The following CMIP variants were observed in gnomAD, a reference collection of about 807,000 sequenced individuals.
CMIP encodes the protein C-Maf-inducing protein.
CMIP carries 13 observed loss-of-function variants against 97.3 expected under a neutral mutation model. The observed-to-expected ratio is 0.13, with a 90% CI of 0.09 to 0.21. The LOEUF (loss-of-function observed/expected upper bound fraction) is 0.21, where lower values mean the gene tolerates loss of function less well. Ranked by LOEUF, CMIP falls within the 10% of genes least tolerant of loss-of-function variation. The pLI, the probability that CMIP is intolerant of heterozygous loss-of-function variation, is 1.00. For missense variants in CMIP, 847 were observed against 1,024.9 expected, an observed-to-expected ratio of 0.83 and a Z score of 2.37; for synonymous variants, 538 against 436.3, an observed-to-expected ratio of 1.23 and a Z score of -2.91.
rs150446310 is a variant in CMIP at position 81,552,678 on chromosome 16, C to A, written c.301-54889C>A. Among the ~76,000 whole-genome samples the A allele has an allele frequency of 2.9e-3, 442 of 152,324 alleles. 4 individuals are homozygous for A. The highest frequency in any genetic ancestry group is 0.01 in the African/African-American group (418 of 41,562). ...GTCCTTAATGGAACCACATCTGCAA[C>A]GTCTCTTCTGCCATGTCAGATGGCA... On this transcript the variant is annotated intron_variant, in intron 1 of 20. Transcript: ENST00000537098.
At position 81,679,887 on chromosome 16, in the gene CMIP, C is replaced by T. The variant is rs184873383; in HGVS notation, c.1388+1259C>T. Among the ~76,000 whole-genome samples the T allele has an allele frequency of 3.4e-3, 514 of 152,278 alleles. 1 individual carries two copies. The highest frequency in any genetic ancestry group is 0.012 in the African/African-American group (484 of 41,550). On this transcript the variant is annotated intron_variant, in intron 10 of 20. Coordinates refer to ENST00000537098, the MANE Select transcript of CMIP (RefSeq NM_198390.3). Reference sequence around the variant, plus strand: ...TCTCATTGACTGTTCCCTTCTGCCCCCCACAGAGCCATGTGGTTCCACAGA... The same window carrying T: ...TCTCATTGACTGTTCCCTTCTGCCCTCCACAGAGCCATGTGGTTCCACAGA...
chr16:81,687,224 C>G (rs917974257), intron 10 of CMIP, among the ~76,000 whole-genome samples: 1 of 152,210 alleles, frequency 6.6e-6, no homozygotes, highest in African/African-American at 2.4e-5. Flanking sequence ...AGCCATCCAC[C>G]CAGCCCGGGG....
At chr16:81,671,556 A>C (rs959166914) in intron 8 of CMIP, among the ~76,000 whole-genome samples, 3 of 152,370 alleles carry the variant, frequency 2.0e-5, no homozygotes, top group South Asian at 4.1e-4. Flanking sequence ...AGGTGTGAGC[A>C]TGACTGTCCC....
At chr16:81,683,092 G>A (rs564657987) in intron 10 of CMIP, among the ~76,000 whole-genome samples, 79 of 152,192 alleles carry the variant, frequency 5.2e-4, no homozygotes, top group African/African-American at 1.8e-3. Flanking sequence ...GTATACCTAC[G>A]CCAGGCCAGA....
At chr16:81,560,854 C>T (rs935815314) in intron 1 of CMIP, among the ~76,000 whole-genome samples, 2 of 152,058 alleles carry the variant, frequency 1.3e-5, no homozygotes, top group South Asian at 2.1e-4. Flanking sequence ...TGTAGTAGGC[C>T]GTATACCATG....
At chr16:81,526,158 G>C (rs974319574) in intron 1 of CMIP, among the ~76,000 whole-genome samples, 4 of 152,120 alleles carry the variant, frequency 2.6e-5, no homozygotes, top group African/African-American at 9.7e-5. Context: ...TCTATACCTA[G>C]GTGCAGAGAG....
At chr16:81,577,168 T>C (rs1019545286) in intron 1 of CMIP, among the ~76,000 whole-genome samples, 1 of 143,938 alleles carries the variant, frequency 6.9e-6, no homozygotes, top group Non-Finnish European at 1.5e-5. Context: ...ACCACTACAT[T>C]ATTATCACTA....
chr16:81,606,665 C>A (rs546929657), intron 1 of CMIP, among the ~76,000 whole-genome samples: 22 of 152,096 alleles, frequency 1.4e-4, no homozygotes, highest in African/African-American at 4.6e-4. Flanking sequence ...GGAACCAAGA[C>A]AGACCTAGGC....
chr16:81,572,692 C>T (rs943607160), intron 1 of CMIP, among the ~76,000 whole-genome samples: 1 of 152,226 alleles, frequency 6.6e-6, no homozygotes, highest in Non-Finnish European at 1.5e-5. Context: ...CAAGTCCAGG[C>T]TCCTTGATCG....
chr16:81,528,782 T>C (rs1363459547), intron 1 of CMIP, among the ~76,000 whole-genome samples: 1 of 152,306 alleles, frequency 6.6e-6, no homozygotes, highest in South Asian at 2.1e-4. Context: ...TAGAGCATGG[T>C]CCTAATTCAT....
At chr16:81,665,500 GT>G (rs2092593513) in intron 7 of CMIP, 1 of 152,360 alleles carries the variant, frequency 6.6e-6, no homozygotes, top group African/African-American at 2.4e-5. Flanking sequence ...GATAGGCAGG[GT>G]CTGATGAGCA....
chr16:81,601,273 A>G (rs991096423), intron 1 of CMIP, among the ~76,000 whole-genome samples: 4 of 152,186 alleles, frequency 2.6e-5, no homozygotes, highest in Non-Finnish European at 5.9e-5. Context: ...CCTGGACGTC[A>G]TGATTCGTAT....
chr16:81,671,153 C>G (rs1233031770), intron 8 of CMIP, among the ~76,000 whole-genome samples: 1 of 152,162 alleles, frequency 6.6e-6, no homozygotes, highest in Non-Finnish European at 1.5e-5. Flanking sequence ...AAGAAAATCA[C>G]AGTAACCCAT....
At chr16:81,704,949 G>A (rs562238342) in intron 18 of CMIP, among the ~76,000 whole-genome samples, 6 of 151,756 alleles carry the variant, frequency 4.0e-5, no homozygotes, top group Non-Finnish European at 5.9e-5. Context: ...GCCTGCGGGG[G>A]GCTGCGCAGG....
chr16:81,512,828 C>T (rs1270393977), intron 1 of CMIP, among the ~76,000 whole-genome samples: 17 of 152,102 alleles, frequency 1.1e-4, no homozygotes, highest in Admixed American at 1.1e-3. Context: ...CCTCTGCTTC[C>T]TGGGTTCAAG....
rs549886227 is a variant in CMIP, at chr16:81,583,621, T to A, written c.301-23946T>A. ...GAGAAGACCCACTGTCTCACTGTGT[T>A]TCCTCTCACTGTCAGCCCCAACCGA... On this transcript the variant is annotated intron_variant, in intron 1 of 20. Transcript: ENST00000537098. Among the ~76,000 whole-genome samples, 3 of 152,314 alleles carry A rather than the reference T, an allele frequency of 2.0e-5. No homozygotes were observed. The East Asian group carries it at 5.8e-4, about 29-fold the overall frequency.
intron 1 of CMIP, among the ~76,000 whole-genome samples, chr16:81,523,316 C>G (rs1002938500): frequency 5.3e-5 from 8 of 152,184 alleles, no homozygotes; most frequent in African/African-American, 1.7e-4. Context: ...TCCTGAATAT[C>G]TAGTTCATTT....
chr16:81,449,157 T>A (rs944100417), intron 1 of CMIP, among the ~76,000 whole-genome samples: 1 of 152,244 alleles, frequency 6.6e-6, no homozygotes, highest in Admixed American at 6.5e-5. Flanking sequence ...CATCTTACTT[T>A]TAAGAGAATG....
intron 3 of CMIP, chr16:81,645,634 G>C: frequency 6.5e-7 from 1 of 1,534,440 alleles, no homozygotes. Flanking sequence ...AGAGGGTGAG[G>C]ACAGCGCTGG....
Sources: gnomAD v4.1 joint callset for allele counts (sites outside exome capture counted in the v4.1 genomes callset) on GRCh38, gnomAD v4.1.1 for gene constraint, MANE v1.5 for transcripts, NCBI Gene and HGNC (gene_info 2026-07-23, HGNC 2026-07-21) for gene names.